Variants in SRGAP1 observed in about 807,000 individuals in gnomAD.
The protein encoded by SRGAP1 is SLIT-ROBO Rho GTPase-activating protein 1.
In SRGAP1, 43 loss-of-function variants were observed where a neutral mutation model predicts 121.9. The ratio of observed to expected loss-of-function variants is 0.35; its 90% CI spans 0.28 to 0.46. SRGAP1 has a LOEUF of 0.46. SRGAP1 is among the 20% of genes least tolerant of loss of function. The pLI is 1.00. For missense variants in SRGAP1, 1,102 were observed against 1,350.9 expected (o/e 0.82, Z 2.89); for synonymous variants, 447 against 485.4 (o/e 0.92, Z 1.04).
chr12:63,903,038 C>G (rs955220487), intron 1 of SRGAP1, among the ~76,000 whole-genome samples: 4 of 151,740 alleles, frequency 2.6e-5, no homozygotes, highest in Non-Finnish European at 5.9e-5. Flanking sequence ...TACTGTATGT[C>G]TGAAATGATA....
intron 1 of SRGAP1, 156 bp from the exon 2 acceptor site, chr12:63,983,791 A>AT (rs1239565627): frequency 1.5e-5 from 2 of 135,078 alleles, no homozygotes; most frequent in African/African-American, 6.0e-5. Context: ...AAATAAATAC[A>AT]TTTAAAATAT....
At chr12:63,884,710 A>G (rs1039654240) in intron 1 of SRGAP1, among the ~76,000 whole-genome samples, 1 of 142,694 alleles carries the variant, frequency 7.0e-6, no homozygotes, top group African/African-American at 2.6e-5. Context: ...GTCTCTGGTC[A>G]CCACCATTCT....
intron 1 of SRGAP1, among the ~76,000 whole-genome samples, chr12:63,860,003 G>T (rs1899392527): frequency 6.6e-6 from 1 of 151,954 alleles, no homozygotes; most frequent in Non-Finnish European, 1.5e-5. Flanking sequence ...GTAAATATAT[G>T]GTATTTCCTT....
chr12:63,997,244 T>G (rs2033739087), intron 3 of SRGAP1, among the ~76,000 whole-genome samples: 1 of 152,174 alleles, frequency 6.6e-6, no homozygotes, highest in South Asian at 2.1e-4. Context: ...GGGACCACCG[T>G]CATTGAGTAC....
intron 1 of SRGAP1, among the ~76,000 whole-genome samples, chr12:63,880,169 C>T (rs1265252986): frequency 6.6e-6 from 1 of 152,182 alleles, no homozygotes; most frequent in African/African-American, 2.4e-5. Flanking sequence ...TCCTTTTCTC[C>T]TCCTTCGCCT....
chr12:64,048,184 C>G (rs1254169007), intron 6 of SRGAP1, among the ~76,000 whole-genome samples: 1 of 152,148 alleles, frequency 6.6e-6, no homozygotes, highest in Non-Finnish European at 1.5e-5. Flanking sequence ...ACCATTCTGT[C>G]TATCTCCATA....
rs540475221 is a variant in SRGAP1 at position 64,146,208 on chromosome 12, TTCGTACAACA to T, written c.*3538_*3547del. The stretch of plus-strand genomic sequence containing the variant: ...ACACCATTCAACAGCTTTGCACATC[TTCGTACAACA>T]TAATCTGGCTTTGGTGCCCCTTGAG... On this transcript the variant is annotated 3_prime_UTR_variant, in exon 22 of 22. Transcript: ENST00000355086. The T allele has an allele frequency of 1.3e-5, 2 of 152,204 alleles. No individual in the cohort carries two copies. The highest frequency in any genetic ancestry group is 1.5e-5 in the Non-Finnish European group (1 of 68,044). 9.4% of individuals were successfully genotyped at this position (152,204 alleles called of 1,614,324 possible).
At chr12:63,918,520 G>A (rs2030893700) in intron 1 of SRGAP1, among the ~76,000 whole-genome samples, 1 of 152,126 alleles carries the variant, frequency 6.6e-6, no homozygotes, top group Admixed American at 6.5e-5. Context: ...AGGCTCAAGT[G>A]ACCCTCCCAC....
rs2037184655 is a variant in SRGAP1 at position 64,158,615 on chromosome 12, T to C, written c.*15943T>C. 2 of 151,880 alleles carry C rather than the reference T, an allele frequency of 1.3e-5. No individual in the cohort carries two copies. The highest frequency in any genetic ancestry group is 2.9e-5 in the Non-Finnish European group (2 of 67,932). The allele number at this position is 151,880 out of a possible 1,614,324, so 9.4% of individuals were successfully genotyped here. ...GGTGAAACCCCGTCTCTACTAATGA[T>C]ACGAAAATTAGCCGGGCATGGTGGC... On this transcript the variant is annotated 3_prime_UTR_variant, in exon 22 of 22. Coordinates refer to ENST00000355086, the MANE Select transcript of SRGAP1 (RefSeq NM_020762.4).
chr12:63,861,303 T>TATATA (rs528177943), intron 1 of SRGAP1, among the ~76,000 whole-genome samples: 2,028 of 120,832 alleles, frequency 0.017, 14 homozygotes, highest in South Asian at 0.028. Flanking sequence ...TATATATATA[T>TATATA]TTTTTTTTTT....
At chr12:63,871,480 G>T (rs1201220583) in intron 1 of SRGAP1, among the ~76,000 whole-genome samples, 2 of 152,146 alleles carry the variant, frequency 1.3e-5, no homozygotes, top group Admixed American at 6.6e-5. Flanking sequence ...GTAACCCTCC[G>T]TAGGGCTTCG....
chr12:64,139,699 C>G (rs1289501028), intron 21 of SRGAP1, among the ~76,000 whole-genome samples: 1 of 151,718 alleles, frequency 6.6e-6, no homozygotes, highest in Non-Finnish European at 1.5e-5. Context: ...GTTGCCTGTT[C>G]ACTCTGATGG....
At chr12:64,065,414 T>A (rs2035520281) in intron 8 of SRGAP1, among the ~76,000 whole-genome samples, 195 bp downstream of exon 8, 1 of 152,196 alleles carries the variant, frequency 6.6e-6, no homozygotes, top group Non-Finnish European at 1.5e-5. Context: ...GATTAATATT[T>A]TACTAGACAC....
rs2037073885 is a variant in SRGAP1 at position 64,147,579 on chromosome 12, A to G, written c.*4907A>G. The G allele has an allele frequency of 2.5e-6, 1 of 398,634 alleles. No individual in the cohort carries two copies. 24.7% of individuals were successfully genotyped at this position (398,634 alleles called of 1,614,324 possible). A position where few individuals can be genotyped will look rare whatever the true frequency, so the allele number is the denominator to read the frequency against. On this transcript the variant is annotated 3_prime_UTR_variant, in exon 22 of 22. Transcript: ENST00000355086. ...ATCCCACCGCATCAGTCCCCCGCTC[A>G]TGTGCTGCTGACAGCATCGCATTCG...
Position 64,150,864 on chromosome 12 carries a change from G to A in SRGAP1, c.*8192G>A, listed in dbSNP as rs117109462. On this transcript the variant is annotated 3_prime_UTR_variant, in exon 22 of 22. Coordinates refer to ENST00000355086, the MANE Select transcript of SRGAP1 (RefSeq NM_020762.4). ...GCAGGAAGATTGCTTGAGCCCAGAT[G>A]TTTGAGGCTGCAATAAGCTATGATT... 3,803 of 139,340 alleles carry A rather than the reference G, an allele frequency of 0.027. 87 individuals are homozygous for A. The highest frequency in any genetic ancestry group is 0.13 in the South Asian group (555 of 4,248). The allele number at this position is 139,340 out of a possible 1,614,324, so 8.6% of individuals were successfully genotyped here.
intron 10 of SRGAP1, chr12:64,081,114 T>TAAATAC (rs2136565488): frequency 6.6e-6 from 1 of 152,374 alleles, no homozygotes; most frequent in South Asian, 2.1e-4. Flanking sequence ...AGGAAAAAAA[T>TAAATAC]AAATACAAGC....
intron 1 of SRGAP1, among the ~76,000 whole-genome samples, chr12:63,868,215 G>A (rs1298625162): frequency 6.6e-6 from 1 of 150,650 alleles, no homozygotes; most frequent in African/African-American, 2.4e-5. Context: ...CCAAGCAGCT[G>A]GGATTACAGG....
Position 64,065,210 on chromosome 12 carries a change from G to A in SRGAP1, c.1116G>A (p.Glu372=), listed in dbSNP as rs2035516859. 3 of 1,612,594 alleles carry A rather than the reference G, an allele frequency of 1.9e-6. No homozygotes were observed. In the East Asian group the frequency reaches 6.7e-5, roughly 36 times the overall value. Residue 372 remains glutamate, a synonymous_variant, in exon 8 of 22, where the codon GAG becomes GAA. Transcript: ENST00000355086. ...CCCGCCTTGCCACGCTCAAAATCGAGAATGAAGAGGTGAGCATGCGTTCGT... is the reference window on the plus strand; with the variant it reads ...CCCGCCTTGCCACGCTCAAAATCGAAAATGAAGAGGTGAGCATGCGTTCGT... The part of the protein sequence containing the change: ...LQSRLATLKI[E]NEEVKKTTEA...
At chr12:64,142,199 C>A in intron 21 of SRGAP1, 96 bp from the exon 22 acceptor site, 1 of 1,316,490 alleles carries the variant, frequency 7.6e-7, no homozygotes, top group Non-Finnish European at 1.0e-6. Flanking sequence ...CCATACTCTG[C>A]TGGGCCGTTT....
Sources: gnomAD v4.1 joint callset for allele counts (sites outside exome capture counted in the v4.1 genomes callset) on GRCh38, gnomAD v4.1.1 for gene constraint, MANE v1.5 for transcripts, NCBI Gene and HGNC (gene_info 2026-07-23, HGNC 2026-07-21) for gene names.